The following PINX1 variants were observed in gnomAD, a reference collection of about 807,000 sequenced individuals.
The protein encoded by PINX1 is PIN2 (TERF1) interacting telomerase inhibitor 1.
A neutral mutation model predicts 25.4 loss-of-function variants in PINX1; 34 were observed. The ratio of observed to expected loss-of-function variants is 1.34; its 90% CI spans 1.02 to 1.78. The LOEUF (loss-of-function observed/expected upper bound fraction) is 1.78, where lower values mean the gene tolerates loss of function less well. Ranked by LOEUF, PINX1 falls within the 40% of genes most tolerant of loss-of-function variation. The pLI, the probability that PINX1 is intolerant of heterozygous loss-of-function variation, is 0.00. For missense variants in PINX1, 592 were observed against 404.9 expected (o/e 1.46, Z -3.97); for synonymous variants, 197 against 147.7 (o/e 1.33, Z -2.42).
At chr8:10,796,596 A>C (rs775949054) in intron 6 of PINX1, among the ~76,000 whole-genome samples, 46 of 152,168 alleles carry the variant, frequency 3.0e-4, no homozygotes, top group Admixed American at 5.9e-4. Flanking sequence ...AATGTTTAAA[A>C]TATGGGAAGT....
At chr8:10,821,946 C>G (rs1318057546) in intron 5 of PINX1, 3 of 152,164 alleles carry the variant, frequency 2.0e-5, no homozygotes, top group Non-Finnish European at 4.4e-5. Context: ...CAAAACAGAT[C>G]TGAAAGTCAA....
At chr8:10,830,053 A>C (rs930114367) in intron 4 of PINX1, among the ~76,000 whole-genome samples, 1 of 152,234 alleles carries the variant, frequency 6.6e-6, no homozygotes, top group Non-Finnish European at 1.5e-5. Context: ...ATAATTAGTA[A>C]GGAATAGTGT....
chr8:10,801,975 T>A (rs1038692630), intron 6 of PINX1, among the ~76,000 whole-genome samples: 1 of 151,848 alleles, frequency 6.6e-6, no homozygotes, highest in Non-Finnish European at 1.5e-5. Context: ...TACTGCCCCA[T>A]CCCCGCAATG....
chr8:10,808,859 C>T (rs1214727753), intron 6 of PINX1, among the ~76,000 whole-genome samples: 1 of 152,008 alleles, frequency 6.6e-6, no homozygotes, highest in Non-Finnish European at 1.5e-5. Context: ...ATCAACAACA[C>T]AAAAACACAG....
Position 10,834,758 on chromosome 8 carries a change from A to G in PINX1, c.37T>C (p.Trp13Arg). The G allele has an allele frequency of 1.9e-6, 3 of 1,613,314 alleles. No individual in the cohort carries two copies. Among genetic ancestry groups the G allele is most frequent in the Non-Finnish European group, 2.5e-6 (3 of 1,179,612 alleles). The change falls in exon 2 of 7, where the codon TGG becomes CGG. Residue 13 changes from tryptophan to arginine, a missense_variant. Coordinates refer to ENST00000314787, the MANE Select transcript of PINX1 (RefSeq NM_017884.6). ...GCAGTGTTCTGAGGATCCACAGCCC[A>G]CTTCTGCTTCCGCCGACCTGTAAAT... ...MLAERRRKQK[W>R]AVDPQNTAWS...
chr8:10,813,029 C>G (rs191878251), intron 6 of PINX1, among the ~76,000 whole-genome samples: 38 of 152,274 alleles, frequency 2.5e-4, no homozygotes, highest in African/African-American at 8.2e-4. Flanking sequence ...GCCAACTGTC[C>G]CAGCTCACAG....
At chr8:10,797,848 C>G (rs369736309) in intron 6 of PINX1, among the ~76,000 whole-genome samples, 2 of 151,770 alleles carry the variant, frequency 1.3e-5, no homozygotes, top group Non-Finnish European at 2.9e-5. Flanking sequence ...CTAGTGACCT[C>G]TCCACTGTCT....
In PINX1 at chr8:10,836,201, G is replaced by T. The variant is rs142216357; in HGVS notation, c.20-1426C>A. ...AACTATGCACACTCCAGCAAAAATA[G>T]GAAATCCTTTACAAATACACAGGCA... On this transcript the variant is annotated intron_variant, in intron 1 of 6. Coordinates refer to ENST00000314787, the MANE Select transcript of PINX1 (RefSeq NM_017884.6). Among the ~76,000 whole-genome samples, 263 of 152,078 alleles carry T rather than the reference G, an allele frequency of 1.7e-3. 1 individual carries two copies. Among genetic ancestry groups the T allele is most frequent in the African/African-American group, 6.2e-3 (258 of 41,458 alleles).
At chr8:10,793,827 A>C (rs1326237868) in intron 6 of PINX1, among the ~76,000 whole-genome samples, 2 of 152,248 alleles carry the variant, frequency 1.3e-5, no homozygotes, top group African/African-American at 4.8e-5. Context: ...AATCATGACA[A>C]CATGAGTCAC....
At chr8:10,814,634 T>C (rs767915490) in intron 6 of PINX1, among the ~76,000 whole-genome samples, 6 of 152,258 alleles carry the variant, frequency 3.9e-5, no homozygotes, top group South Asian at 2.1e-4. Context: ...ATGTAGATTA[T>C]GAGTACTTCC....
In PINX1 at chr8:10,832,945, T is replaced by C; in HGVS notation, c.169A>G (p.Lys57Glu). ...AQEQGATDHI[K>E]VQVKNNHLGL... is the part of the protein sequence containing the mutation. ...AGGTGGTTATTTTTCACTTGAACTT[T>C]AATATGATCTGTGGCTCCTTGCTCC... is the stretch of plus-strand genomic sequence containing the variant. The change falls in exon 3 of 7, where the codon AAA (lysine) becomes GAA (glutamate). Residue 57 changes from lysine to glutamate, a missense_variant. Transcript: ENST00000314787. 2 of 1,612,164 alleles carry C rather than the reference T, an allele frequency of 1.2e-6. No homozygotes were observed. The highest frequency in any genetic ancestry group is 1.7e-6 in the Non-Finnish European group (2 of 1,178,984).
At chr8:10,766,730 G>C (rs1351872602) in intron 6 of PINX1, among the ~76,000 whole-genome samples, 2 of 152,220 alleles carry the variant, frequency 1.3e-5, no homozygotes, top group Admixed American at 6.5e-5. Context: ...TTTTAAATGA[G>C]TATATCTCAT....
At chr8:10,800,032 A>T (rs1350651972) in intron 6 of PINX1, among the ~76,000 whole-genome samples, 1 of 152,182 alleles carries the variant, frequency 6.6e-6, no homozygotes. Context: ...CTGCGTGATG[A>T]CACATCCCGG....
At chr8:10,804,716 A>C (rs1802382789) in intron 6 of PINX1, among the ~76,000 whole-genome samples, 1 of 151,794 alleles carries the variant, frequency 6.6e-6, no homozygotes, top group Non-Finnish European at 1.5e-5. Context: ...GGAGGATTAA[A>C]AATACAAAAT....
intron 6 of PINX1, among the ~76,000 whole-genome samples, chr8:10,784,422 T>G (rs1000219042): frequency 2.6e-5 from 4 of 152,250 alleles, no homozygotes; most frequent in African/African-American, 9.6e-5. Flanking sequence ...CTTACAAGTT[T>G]CAGCGCTACC....
intron 6 of PINX1, among the ~76,000 whole-genome samples, chr8:10,777,554 G>A (rs1801431839): frequency 6.6e-6 from 1 of 152,222 alleles, no homozygotes; most frequent in Non-Finnish European, 1.5e-5. Flanking sequence ...GGGGTTGGGT[G>A]TGCGAGTGGC....
intron 5 of PINX1, among the ~76,000 whole-genome samples, chr8:10,825,112 C>G (rs62492351): frequency 6.6e-6 from 1 of 152,214 alleles, no homozygotes; most frequent in Non-Finnish European, 1.5e-5. Flanking sequence ...AGCTCTGCCA[C>G]GGCCTCTCAC....
At chr8:10,834,600 A>C in intron 2 of PINX1, 66 bp downstream of exon 2, 1 of 1,564,554 alleles carries the variant, frequency 6.4e-7, no homozygotes, top group South Asian at 1.2e-5. Flanking sequence ...CCTAAGAAGG[A>C]AGTTTTCCCC....
chr8:10,816,270 T>C (rs1400200298), intron 6 of PINX1, among the ~76,000 whole-genome samples: 1 of 152,224 alleles, frequency 6.6e-6, no homozygotes, highest in Non-Finnish European at 1.5e-5. Flanking sequence ...ATGTAACCAC[T>C]GGGGAAAACC....
Sources: allele counts gnomAD v4.1 joint callset (sites outside exome capture counted in the v4.1 genomes callset), GRCh38; gene constraint gnomAD v4.1.1; transcripts MANE v1.5; gene names NCBI Gene and HGNC (gene_info 2026-07-23, HGNC 2026-07-21).